TSC2: variants seen among roughly 807,000 people sequenced by gnomAD.
TSC2 encodes tuberin.
Under a neutral mutation model 202.2 loss-of-function variants are expected in TSC2, and 29 were observed. The ratio of observed to expected loss-of-function variants is 0.14; its 90% confidence interval spans 0.11 to 0.20. TSC2 has a LOEUF of 0.20. TSC2 is among the 10% of genes least tolerant of loss of function. TSC2 has a pLI of 1.00. For synonymous variants in TSC2, 1,349 were observed against 1,044.0 expected (o/e 1.29, Z -5.63); for missense variants, 2,429 against 2,420.0 (o/e 1.00, Z -0.08).
At chr16:2,080,468 T>G (rs778065150) in intron 30 of TSC2, 91 bp downstream of exon 30, 4 of 1,447,338 alleles carry the variant, frequency 2.8e-6, no homozygotes, top group African/African-American at 1.4e-5. Flanking sequence ...TTGGCCCTCT[T>G]GGGATATTTG....
At position 2,056,077 on chromosome 16, in the gene TSC2, G is replaced by A. The variant is rs1038443719; in HGVS notation, c.600-119G>A. On this transcript the variant is annotated intron_variant, in intron 6 of 41. Transcript: ENST00000219476. ...ACCTGAGTGCTTGTTGGGTGGGTGG[G>A]ACCCCCAGGGAGGATGAGCCATGCG... The A allele has an allele frequency of 2.6e-5, 34 of 1,331,156 alleles. No homozygotes were observed. The African/African-American group carries it at 3.7e-4, about 15-fold the overall frequency. 82.5% of individuals were successfully genotyped at this position (1,331,156 alleles called of 1,614,324 possible). A position where few individuals can be genotyped will look rare whatever the true frequency, so the allele number is the denominator to read the frequency against.
intron 5 of TSC2, chr16:2,054,681 G>T: frequency 1.7e-6 from 1 of 593,418 alleles, no homozygotes; most frequent in South Asian, 1.9e-5. Context: ...CTGGGGCTTG[G>T]GGCCTCCGAA....
chr16:2,048,371 T>C, intron 1 of TSC2: 3 of 854,524 alleles, frequency 3.5e-6, no homozygotes, highest in Non-Finnish European at 5.8e-6. Flanking sequence ...AGCGTCTGAG[T>C]AGAGAGCTCT....
intron 9 of TSC2, 50 bp downstream of exon 9, chr16:2,057,228 G>T (rs553199290): frequency 9.0e-6 from 14 of 1,547,504 alleles, no homozygotes; most frequent in Non-Finnish European, 1.2e-5. Context: ...CACAGCCCTC[G>T]GGGCAGCTCC....
In TSC2 at chr16:2,048,670, T is replaced by C. The variant is rs2150971171; in HGVS notation, c.55T>C (p.Leu19=). ...CTTGAAGGAGAAGTTTAAGATTCTG[T>C]TGGGACTGGGAACACCGAGGCCAAA... ...SGLKEKFKIL[L]GLGTPRPNPR... The change falls in exon 2 of 42, where the codon TTG becomes CTG. Residue 19 remains leucine (L), a synonymous_variant. Transcript: ENST00000219476. The C allele has an allele frequency of 1.2e-6, 2 of 1,613,938 alleles. No individual in the cohort carries two copies.
chr16:2,056,956 C>T, intron 8 of TSC2, 149 bp from the exon 9 acceptor site: 5 of 1,360,872 alleles, frequency 3.7e-6, no homozygotes, highest in Non-Finnish European at 5.1e-6. Context: ...TTTGAGAACC[C>T]TGCTGCCTCT....
At chr16:2,075,737 T>C (rs2151378463) in intron 22 of TSC2, 62 bp from the exon 23 acceptor site, 1 of 1,558,756 alleles carries the variant, frequency 6.4e-7, no homozygotes, top group African/African-American at 1.3e-5. Flanking sequence ...AGCAGCCGTG[T>C]TGGCCTTCAG....
At position 2,088,917 on chromosome 16, in the gene TSC2, T is replaced by C. The variant is rs565298575; in HGVS notation, c.*307T>C. On this transcript the variant is annotated 3_prime_UTR_variant, in exon 42 of 42. Coordinates refer to ENST00000219476, the MANE Select transcript of TSC2 (RefSeq NM_000548.5). ...CACACACAGTCACCTTCCTCCACCC[T>C]GGGAGCCAGCCCCCAGGAGGAGTCT... is the stretch of plus-strand genomic sequence containing the variant. 1 of 387,618 alleles carries C rather than the reference T, an allele frequency of 2.6e-6. No individual in the cohort carries two copies. Among genetic ancestry groups the C allele is most frequent in the East Asian group, 4.8e-5 (1 of 20,662 alleles). 24.0% of individuals were successfully genotyped at this position (387,618 alleles called of 1,614,324 possible).
At chr16:2,058,571 G>C (rs956394433) in intron 9 of TSC2, among the ~76,000 whole-genome samples, 176 bp from the exon 10 acceptor site, 1 of 152,238 alleles carries the variant, frequency 6.6e-6, no homozygotes, top group African/African-American at 2.4e-5. Flanking sequence ...GCGCAGGAGT[G>C]AACAAGAGTG....
rs368095502 is a variant in TSC2, at chr16:2,079,377, G to A, written c.3233G>A (p.Arg1078Gln). 7.4e-6 allele frequency: 12 copies of A among 1,612,914 alleles called. No individual in the cohort carries two copies. Among genetic ancestry groups the A allele is most frequent in the South Asian group, 2.2e-5 (2 of 91,086 alleles). Reference sequence around the variant, plus strand: ...ACGACAAGCGTGGGAACCGGGACCCGGTCGTTACTAGGCCTGGACTCGGGG... The same window carrying A: ...ACGACAAGCGTGGGAACCGGGACCCAGTCGTTACTAGGCCTGGACTCGGGG... Reference protein sequence around the residue: ...TVTTSVGTGTRSLLGLDSGEL... With the variant: ...TVTTSVGTGTQSLLGLDSGEL... The change falls in exon 28 of 42, where the codon CGG (arginine) becomes CAG (glutamine). Residue 1078 changes from arginine (R) to glutamine (Q), a missense_variant. Arg to Gln is a conservative substitution (Grantham distance 43). Coordinates refer to ENST00000219476, the MANE Select transcript of TSC2 (RefSeq NM_000548.5). The surrounding 1 kb of genome is among the most constrained non-coding windows in gnomAD (Gnocchi z 4.6).
intron 30 of TSC2, 177 bp from the exon 31 acceptor site, chr16:2,081,418 G>T: frequency 1.3e-6 from 1 of 799,066 alleles, no homozygotes. Flanking sequence ...CAGGGGCTGA[G>T]CGGGGCAGCA....
At chr16:2,082,252 G>A (rs2151489852) in intron 31 of TSC2, 184 bp from the exon 32 acceptor site, 1 of 676,242 alleles carries the variant, frequency 1.5e-6, no homozygotes, top group East Asian at 2.6e-5. Context: ...CACGGGAGGA[G>A]GGAGGCACTG....
Position 2,058,962 on chromosome 16 carries a change from G to A in TSC2, c.975+89G>A, listed in dbSNP as rs113296145. 87 of 1,550,346 alleles carry A rather than the reference G, an allele frequency of 5.6e-5. No homozygotes were observed. The Admixed American group carries it at 6.8e-4, about 12-fold the overall frequency. Reference sequence around the variant, plus strand: ...CCCATCCCACTGGGGGTCCTGCTGCGGGGGCTGCGGTGGCATTTCTAGGCC... The same window carrying A: ...CCCATCCCACTGGGGGTCCTGCTGCAGGGGCTGCGGTGGCATTTCTAGGCC... On this transcript the variant is annotated intron_variant, in intron 10 of 41. Coordinates refer to ENST00000219476, the MANE Select transcript of TSC2 (RefSeq NM_000548.5).
chr16:2,056,365 C>A, intron 7 of TSC2, 121 bp downstream of exon 7: 1 of 1,369,244 alleles, frequency 7.3e-7, no homozygotes, highest in Non-Finnish European at 1.0e-6. Context: ...GCTGCTCGGT[C>A]TCTCTGAGCC....
rs1596298736 is a variant in TSC2, at chr16:2,060,803, A to G, written c.1109A>G (p.Gln370Arg). 6.2e-7 allele frequency: 1 copy of G among 1,613,538 alleles called. No homozygotes were observed. The highest frequency in any genetic ancestry group is 8.5e-7 in the Non-Finnish European group (1 of 1,179,886). The change falls in exon 11 of 42, where the codon CAG becomes CGG. Residue 370 changes from glutamine (Q) to arginine (R), a missense_variant. Transcript: ENST00000219476. ...CTGAACATCATCGAACGGCTCCTTC[A>G]GCAGCTCCAGGTGGGGTGGGGGCAG... The part of the protein sequence containing the change: ...ILLNIIERLL[Q>R]QLQTLDSPEL...
intron 32 of TSC2, 188 bp from the exon 33 acceptor site, chr16:2,083,507 G>A (rs930668904): frequency 2.7e-4 from 267 of 976,410 alleles, no homozygotes; most frequent in Non-Finnish European, 3.9e-4. Flanking sequence ...GGCCTGTGTC[G>A]GGGTCACGTG....
chr16:2,074,621 A>G (rs2089000565), intron 22 of TSC2: 1 of 598,446 alleles, frequency 1.7e-6, no homozygotes, highest in Non-Finnish European at 3.0e-6. Flanking sequence ...TCCTTGAAGA[A>G]GCCTCTTCCC....
chr16:2,082,972 C>T (rs947595399), intron 32 of TSC2: 1 of 380,882 alleles, frequency 2.6e-6, no homozygotes, highest in South Asian at 1.9e-5. Flanking sequence ...CTGCCTGTTG[C>T]CCCCAAGCCC....
Position 2,056,199 on chromosome 16 carries a change from G to C in TSC2, c.603G>C (p.Met201Ile), listed in dbSNP as rs45506197. 1 of 1,613,830 alleles carries C rather than the reference G, an allele frequency of 6.2e-7. No homozygotes were observed. The highest frequency in any genetic ancestry group is 1.3e-5 in the African/African-American group (1 of 74,946). Residue 201 changes from methionine (M) to isoleucine (I), a missense_variant, in exon 7 of 42, where the codon ATG becomes ATC. Coordinates refer to ENST00000219476, the MANE Select transcript of TSC2 (RefSeq NM_000548.5). ...CTGAGCTCGGTGCTCCCTGCAGGATGATCTGTCTGCTGTGCGTCCGGACCG... is the reference window on the plus strand; with the variant it reads ...CTGAGCTCGGTGCTCCCTGCAGGATCATCTGTCTGCTGTGCGTCCGGACCG... ...LDEYIARMVQ[M>I]ICLLCVRTAS... is the part of the protein sequence containing the mutation.
Sources: allele counts gnomAD v4.1 joint callset (sites outside exome capture counted in the v4.1 genomes callset), GRCh38; gene constraint gnomAD v4.1.1; non-coding constraint Gnocchi (gnomAD v3.1); transcripts MANE v1.5; gene names NCBI Gene and HGNC (gene_info 2026-07-23, HGNC 2026-07-21).